The following ZNF814 variants were observed in gnomAD, a reference collection of about 807,000 sequenced individuals.
ZNF814 encodes zinc finger protein 814.
Under a neutral mutation model 7.5 loss-of-function variants are expected in ZNF814, and 5 were observed. The observed-to-expected ratio is 0.67, with a 90% CI of 0.35 to 1.40. The LOEUF is 1.40. ZNF814 is among the 40% of genes most tolerant of loss of function. ZNF814 has a pLI of 0.04. For synonymous variants in ZNF814, 315 were observed against 340.7 expected, an observed-to-expected ratio of 0.92 and a Z score of 0.83; for missense variants, 962 against 1,018.0, an observed-to-expected ratio of 0.94 and a Z score of 0.75.
chr19:57,883,673 A>AAT (rs1555777857), intron 1 of ZNF814, among the ~76,000 whole-genome samples: 2 of 152,022 alleles, frequency 1.3e-5, no homozygotes, highest in Non-Finnish European at 2.9e-5. Flanking sequence ...AAAAAAAAAA[A>AAT]AAATCAAAAT....
chr19:57,891,104 G>T (rs1411233615), upstream of ZNF814, among the ~76,000 whole-genome samples: 1 of 152,202 alleles, frequency 6.6e-6, no homozygotes, highest in East Asian at 1.9e-4. Context: ...GTGACCTCTG[G>T]TCGTCCTCAC....
rs1273542464 is a variant in ZNF814, at chr19:57,873,278, AAGG to A, written c.2109_2111del (p.Leu704del). ...CTCCATTGTGAATTCTCTGGTGTAC[AAGG>A]AGGTGAGACTTCTTCTTAAATAATT... On this transcript the variant is annotated inframe_deletion, in exon 3 of 3. Transcript: ENST00000435989. 1.3e-6 allele frequency: 2 copies of A among 1,596,918 alleles called. No homozygotes were observed. Among genetic ancestry groups the A allele is most frequent in the East Asian group, 2.3e-5 (1 of 44,014 alleles).
chr19:57,874,178 G>C lies in ZNF814; in HGVS notation c.1212C>G (p.Asp404Glu), dbSNP rs201682072. 6.4e-7 allele frequency: 1 copy of C among 1,565,072 alleles called. No individual in the cohort carries two copies. The highest frequency in any genetic ancestry group is 1.7e-4 in the Middle Eastern group (1 of 5,918). The change falls in exon 3 of 3, where the codon GAC (aspartate) becomes GAG (glutamate). Residue 404 changes from aspartate to glutamate, a missense_variant. Around this residue, in one of 7 missense-constraint regions of ZNF814, gnomAD observed 665 missense variants for 551.4 expected, o/e 1.21. Coordinates refer to ENST00000435989, the MANE Select transcript of ZNF814 (RefSeq NM_001144989.2). ...SFSNHQRVHT[D>E]KKHYECGECG... ...ATTCTCCACATTCATAATGTTTTTT[G>C]TCAGTGTGAACTCTCTGATGATTAC...
Position 57,873,390 on chromosome 19 carries a change from T to C in ZNF814, c.2000A>G (p.Lys667Arg). 1 of 1,608,860 alleles carries C rather than the reference T, an allele frequency of 6.2e-7. No homozygotes were observed. Among genetic ancestry groups the C allele is most frequent in the African/African-American group, 1.3e-5 (1 of 74,814 alleles). ...GAGGTTACCCTTGTGACTAAAACAT[T>C]TCCCACATTCCCCACACTTAAAAGG... The part of the protein sequence containing the change: ...ERPFKCGECG[K>R]CFSHKGNLIL... Residue 667 changes from lysine (K) to arginine (R), a missense_variant, in exon 3 of 3, where the codon AAA (lysine) becomes AGA (arginine). Coordinates refer to ENST00000435989, the MANE Select transcript of ZNF814 (RefSeq NM_001144989.2).
rs185755376 is a variant in ZNF814, at chr19:57,874,751, G to C, written c.639C>G (p.His213Gln). 101 of 1,612,960 alleles carry C rather than the reference G, an allele frequency of 6.3e-5. No homozygotes were observed. Among genetic ancestry groups the C allele is most frequent in the African/African-American group, 5.2e-4 (39 of 75,050 alleles). The change falls in exon 3 of 3, where the codon CAC (histidine) becomes CAG (glutamine). Residue 213 changes from histidine (H) to glutamine (Q), a missense_variant. Physicochemically the swap from His to Gln is conservative, Grantham distance 24. Around this residue, in one of 7 missense-constraint regions of ZNF814, gnomAD observed 126 missense variants for 123.5 expected, o/e 1.02. Coordinates refer to ENST00000435989, the MANE Select transcript of ZNF814 (RefSeq NM_001144989.2). ...CVSPIQCGGA[H>Q]YSCGESMKHF... is the part of the protein sequence containing the mutation. ...GTTTCATGGATTCTCCACAGCTGTA[G>C]TGAGCTCCCCCACACTGAATGGGAG... is the stretch of plus-strand genomic sequence containing the variant.
chr19:57,877,802 A>G (rs1160593460), intron 1 of ZNF814, among the ~76,000 whole-genome samples: 1 of 152,104 alleles, frequency 6.6e-6, no homozygotes. Flanking sequence ...ATCTACCCCT[A>G]GGGCTATAAT....
chr19:57,887,871 G>A (rs935871322), intron 1 of ZNF814, among the ~76,000 whole-genome samples: 3 of 152,154 alleles, frequency 2.0e-5, no homozygotes, highest in African/African-American at 7.2e-5. Flanking sequence ...GATTTAGAGC[G>A]CCACACCTGG....
rs547841366 is a variant in ZNF814, at chr19:57,874,460, G to A, written c.930C>T (p.Ser310=). ...ECGKSFSKYV[S]FSNHQRVHTG... is the part of the protein sequence containing the mutation. The stretch of plus-strand genomic sequence containing the variant: ...TGTGAACTCTCTGATGATTACTGAA[G>A]CTAACATATTTGCTAAAGGATTTCC... Residue 310 remains serine, a synonymous_variant, in exon 3 of 3, where the codon AGC becomes AGT. Coordinates refer to ENST00000435989, the MANE Select transcript of ZNF814 (RefSeq NM_001144989.2). 1.6e-3 allele frequency: 1,797 copies of A among 1,154,106 alleles called. 57 individuals are homozygous for A. The highest frequency in any genetic ancestry group is 0.011 in the Admixed American group (338 of 31,754). 71.5% of individuals were successfully genotyped at this position (1,154,106 alleles called of 1,614,324 possible).
the ZNF814 span, among the ~76,000 whole-genome samples, chr19:57,898,584 A>G: frequency 1.3e-5 from 2 of 152,246 alleles, no homozygotes; most frequent in African/African-American, 2.4e-5. Context: ...GAATTAGTAC[A>G]GGAACAATTG....
the ZNF814 span, among the ~76,000 whole-genome samples, chr19:57,896,155 G>C: frequency 6.9e-6 from 1 of 145,182 alleles, no homozygotes; most frequent in Non-Finnish European, 1.5e-5. This position sits in a 1 kb window ranked among gnomAD's most constrained non-coding sequence, Gnocchi z 4.2. Flanking sequence ...AGCCACTTTT[G>C]TGAGCGAGAC....
chr19:57,883,857 A>C (rs2071668354), intron 1 of ZNF814, among the ~76,000 whole-genome samples: 1 of 151,848 alleles, frequency 6.6e-6, no homozygotes, highest in Admixed American at 6.6e-5. Flanking sequence ...TCCCAGGTTC[A>C]AGTGATTCTC....
chr19:57,888,120 T>C (rs567631127), intron 1 of ZNF814, among the ~76,000 whole-genome samples: 1 of 152,212 alleles, frequency 6.6e-6, no homozygotes, highest in Non-Finnish European at 1.5e-5. Context: ...CGTCTCAAAG[T>C]GTGGCGTTTT....
At chr19:57,886,316 T>A (rs2071693264) in intron 1 of ZNF814, among the ~76,000 whole-genome samples, 1 of 152,166 alleles carries the variant, frequency 6.6e-6, no homozygotes, top group South Asian at 2.1e-4. Context: ...ACTGCTTGTC[T>A]GACCTGCATG....
intron 1 of ZNF814, among the ~76,000 whole-genome samples, chr19:57,884,528 G>C (rs1450103167): frequency 6.6e-6 from 1 of 152,322 alleles, no homozygotes; most frequent in African/African-American, 2.4e-5. Flanking sequence ...TGAGGTAGCA[G>C]GATAGCCTGA....
chr19:57,875,943 C>CTTTTTTTTTTTTT (rs567660556), intron 2 of ZNF814, among the ~76,000 whole-genome samples: 6 of 71,436 alleles, frequency 8.4e-5, no homozygotes, highest in Admixed American at 3.6e-4. Context: ...CAGGGTGCCG[C>CTTTTTTTTTTTTT]TTTTTTTTTT....
the ZNF814 span, among the ~76,000 whole-genome samples, chr19:57,894,712 T>C: frequency 1.3e-5 from 2 of 151,754 alleles, no homozygotes; most frequent in African/African-American, 2.4e-5. Context: ...CGGGTGCCTG[T>C]AGTCCCAGCT....
At position 57,873,988 on chromosome 19, in the gene ZNF814, C is replaced by T; in HGVS notation, c.1402G>A (p.Glu468Lys). 1 of 1,614,092 alleles carries T rather than the reference C, an allele frequency of 6.2e-7. No individual in the cohort carries two copies. Among genetic ancestry groups the T allele is most frequent in the African/African-American group, 1.3e-5 (1 of 75,030 alleles). Residue 468 changes from glutamate (E) to lysine (K), a missense_variant, in exon 3 of 3, where the codon GAA (glutamate) becomes AAA (lysine). Physicochemically the swap from Glu to Lys is moderately conservative, Grantham distance 56. Around this residue, in one of 7 missense-constraint regions of ZNF814, gnomAD observed 665 missense variants for 551.4 expected, o/e 1.21. Transcript: ENST00000435989. ...HAGERPFKCG[E>K]CVKSFSHKRS... ...TTATGACTGAAAGATTTCACACATT[C>T]TCCACACTTGAAAGGTCTTTCTCCG...
upstream of ZNF814, among the ~76,000 whole-genome samples, chr19:57,893,795 A>T (rs1251290056): frequency 6.6e-6 from 1 of 151,368 alleles, no homozygotes; most frequent in Admixed American, 6.6e-5. Context: ...TGGTGCATGC[A>T]TGTAATCCCA....
chr19:57,873,634 T>G lies in ZNF814; in HGVS notation c.1756A>C (p.Ser586Arg). Residue 586 changes from serine to arginine, a missense_variant, in exon 3 of 3, where the codon AGT becomes CGT. Physicochemically the swap from Ser to Arg is moderately radical, Grantham distance 110. Coordinates refer to ENST00000435989, the MANE Select transcript of ZNF814 (RefSeq NM_001144989.2). ...TGGCTCCTAAGGTGCCCGATTGAAC[T>G]AAAAGATTTCCCACATTCTCCACAC... ...YGCGECGKSF[S>R]SIGHLRSHQR... The G allele has an allele frequency of 6.2e-7, 1 of 1,614,084 alleles. No homozygotes were observed. Among genetic ancestry groups the G allele is most frequent in the Non-Finnish European group, 8.5e-7 (1 of 1,180,010 alleles).
Sources: gnomAD v4.1 joint callset for allele counts (sites outside exome capture counted in the v4.1 genomes callset) on GRCh38, gnomAD v4.1.1 for gene constraint, gnomAD v4.1.1 regional missense constraint, Gnocchi (gnomAD v3.1) non-coding constraint, MANE v1.5 for transcripts, NCBI Gene and HGNC (gene_info 2026-07-23, HGNC 2026-07-21) for gene names.